Variants in SLC9C1 observed in about 807,000 individuals in gnomAD.
SLC9C1 encodes sodium/hydrogen exchanger 10.
Under a neutral mutation model 140.9 loss-of-function variants are expected in SLC9C1, and 97 were observed. The observed-to-expected ratio is 0.69, with a 90% CI of 0.58 to 0.82. The LOEUF is 0.82. SLC9C1 is among the 40% of genes least tolerant of loss of function. The probability of loss-of-function intolerance (pLI) is 0.00; values close to 1 mark genes in which losing one functional copy is unlikely to be tolerated. For synonymous variants in SLC9C1, 440 were observed against 442.6 expected (o/e 0.99, Z 0.07); for missense variants, 1,340 against 1,389.3 (o/e 0.96, Z 0.56).
In SLC9C1 at chr3:112,179,539, C is replaced by A. The variant is rs1197030547; in HGVS notation, c.2911G>T (p.Val971Leu). Residue 971 changes from valine to leucine, a missense_variant, in exon 23 of 29, where the codon GTA (valine) becomes TTA (leucine). Val to Leu is a conservative substitution (Grantham distance 32). Transcript: ENST00000305815. ...GGCGAAGTTTTTCTGACCTCCACTACAGTTTTGCAGGTGGCAGAATATTTC... is the reference window on the plus strand; with the variant it reads ...GGCGAAGTTTTTCTGACCTCCACTAAAGTTTTGCAGGTGGCAGAATATTTC... ...PMKYSATCKT[V>L]VETCFIPKTH... 6.2e-7 allele frequency: 1 copy of A among 1,602,166 alleles called. No homozygotes were observed. The highest frequency in any genetic ancestry group is 1.3e-5 in the African/African-American group (1 of 74,548).
intron 23 of SLC9C1, among the ~76,000 whole-genome samples, chr3:112,169,540 T>A (rs866833867): frequency 1.3e-5 from 2 of 152,310 alleles, no homozygotes; most frequent in Non-Finnish European, 1.5e-5. Context: ...CAGTTGGCTG[T>A]AAAATGTGGC....
At chr3:112,272,229 C>T (rs2080098022) in intron 6 of SLC9C1, among the ~76,000 whole-genome samples, 1 of 152,148 alleles carries the variant, frequency 6.6e-6, no homozygotes. Context: ...AGTTCGAAGA[C>T]CCCAGTTTGA....
At chr3:112,220,856 G>GC (rs964239461) in intron 14 of SLC9C1, among the ~76,000 whole-genome samples, 1 of 62,238 alleles carries the variant, frequency 1.6e-5, no homozygotes, top group Non-Finnish European at 3.6e-5. Context: ...TTTTGGCAGG[G>GC]GGGGACAAAG....
intron 26 of SLC9C1, among the ~76,000 whole-genome samples, chr3:112,163,499 A>G (rs958694467): frequency 2.0e-5 from 3 of 151,726 alleles, no homozygotes; most frequent in Non-Finnish European, 4.4e-5. Flanking sequence ...TTCAAAGAAC[A>G]TCTTTATTTC....
At chr3:112,277,576 C>T (rs1397952703) in intron 5 of SLC9C1, 119 bp downstream of exon 5, 2 of 846,792 alleles carry the variant, frequency 2.4e-6, no homozygotes, top group Non-Finnish European at 3.4e-6. Context: ...CCTCAACCCC[C>T]AATCCCTCAC....
At chr3:112,246,506 C>A (rs548975174) in intron 10 of SLC9C1, among the ~76,000 whole-genome samples, 1 of 152,162 alleles carries the variant, frequency 6.6e-6, no homozygotes, top group South Asian at 2.1e-4. Context: ...TATCATACTC[C>A]AGCAAAGCCA....
chr3:112,251,586 G>A (rs2079458831), intron 10 of SLC9C1, among the ~76,000 whole-genome samples: 1 of 152,104 alleles, frequency 6.6e-6, no homozygotes, highest in South Asian at 2.1e-4. Context: ...TGGTCTACAG[G>A]CATCACTCCC....
chr3:112,263,006 A>G lies in SLC9C1; in HGVS notation c.1115T>C (p.Met372Thr). ...RWIFIMVCSE[M>T]KGMPNINMAL... ...CATGTTTATATTAGGCATCCCCTTCATTTCACTACAGACCATTATGAATAT... is the reference window on the plus strand; with the variant it reads ...CATGTTTATATTAGGCATCCCCTTCGTTTCACTACAGACCATTATGAATAT... The change falls in exon 10 of 29, where the codon ATG becomes ACG. Residue 372 changes from methionine to threonine, a missense_variant. Met to Thr is a moderately conservative substitution (Grantham distance 81). Transcript: ENST00000305815. 1.2e-6 allele frequency: 2 copies of G among 1,607,406 alleles called. No homozygotes were observed. The highest frequency in any genetic ancestry group is 1.7e-6 in the Non-Finnish European group (2 of 1,176,948).
Position 112,278,734 on chromosome 3 carries a change from A to G in SLC9C1, c.313T>C (p.Trp105Arg). ...TACCAAAAAAGAATGCTTACCTGCC[A>G]AAATAACTTTTGAAGCATGTACGTA... is the stretch of plus-strand genomic sequence containing the variant. ...MDTYMLQKLF[W>R]QILLISIPGF... Residue 105 changes from tryptophan to arginine, a missense_variant, in exon 4 of 29, where the codon TGG becomes CGG. Trp to Arg is a moderately radical substitution (Grantham distance 101, BLOSUM62 -3). Transcript: ENST00000305815. The G allele has an allele frequency of 6.3e-7, 1 of 1,597,222 alleles. No homozygotes were observed. Among genetic ancestry groups the G allele is most frequent in the Non-Finnish European group, 8.5e-7 (1 of 1,175,400 alleles).
intron 11 of SLC9C1, among the ~76,000 whole-genome samples, chr3:112,243,618 C>G (rs1234807654): frequency 6.6e-6 from 1 of 152,046 alleles, no homozygotes; most frequent in Non-Finnish European, 1.5e-5. Flanking sequence ...CCCATGTAAC[C>G]AACCTGCACA....
At chr3:112,189,446 A>G (rs1263215305) in intron 20 of SLC9C1, among the ~76,000 whole-genome samples, 1 of 152,208 alleles carries the variant, frequency 6.6e-6, no homozygotes, top group Non-Finnish European at 1.5e-5. Context: ...CTTTCTACAT[A>G]TGGCCAGCCA....
chr3:112,168,823 C>T, intron 25 of SLC9C1, 54 bp downstream of exon 25: 2 of 1,430,370 alleles, frequency 1.4e-6, no homozygotes, highest in South Asian at 1.4e-5. Context: ...GACGTTAATA[C>T]ATTGTTGGAC....
chr3:112,237,094 G>C (rs1248741462), intron 12 of SLC9C1, among the ~76,000 whole-genome samples: 2 of 152,140 alleles, frequency 1.3e-5, no homozygotes, highest in Non-Finnish European at 2.9e-5. Flanking sequence ...TATTGTGTGG[G>C]AGTCTAAGTC....
At chr3:112,238,105 A>C (rs2079041423) in intron 12 of SLC9C1, among the ~76,000 whole-genome samples, 2 of 152,180 alleles carry the variant, frequency 1.3e-5, no homozygotes, top group South Asian at 4.1e-4. Flanking sequence ...AATCAGACGT[A>C]GATTTGGTCT....
intron 25 of SLC9C1, among the ~76,000 whole-genome samples, chr3:112,168,517 C>A (rs1472803214): frequency 6.6e-6 from 1 of 152,192 alleles, no homozygotes; most frequent in Non-Finnish European, 1.5e-5. Context: ...CAGAACCTTT[C>A]TAGAGCATTG....
At chr3:112,142,011 C>CT in intron 28 of SLC9C1, among the ~76,000 whole-genome samples, 1 of 152,276 alleles carries the variant, frequency 6.6e-6, no homozygotes, top group South Asian at 2.1e-4. Flanking sequence ...CACTTGGGCT[C>CT]TTTCGTCATT....
At chr3:112,147,079 T>A (rs759487436) in intron 28 of SLC9C1, among the ~76,000 whole-genome samples, 3 of 152,198 alleles carry the variant, frequency 2.0e-5, no homozygotes, top group Non-Finnish European at 4.4e-5. Flanking sequence ...TACTGTTTCC[T>A]ATTTAAAGTC....
chr3:112,149,863 G>A (rs552247463), intron 28 of SLC9C1, among the ~76,000 whole-genome samples: 3 of 152,220 alleles, frequency 2.0e-5, no homozygotes, highest in East Asian at 3.9e-4. Flanking sequence ...GCTGAACAGG[G>A]TGAATGAGTG....
intron 15 of SLC9C1, among the ~76,000 whole-genome samples, chr3:112,209,094 C>T (rs2078132031): frequency 6.6e-6 from 1 of 152,088 alleles, no homozygotes; most frequent in Non-Finnish European, 1.5e-5. Context: ...TTAAAATTCA[C>T]ATGATAATGA....
Sources: allele counts gnomAD v4.1 joint callset (sites outside exome capture counted in the v4.1 genomes callset), GRCh38; gene constraint gnomAD v4.1.1; transcripts MANE v1.5; gene names NCBI Gene and HGNC (gene_info 2026-07-23, HGNC 2026-07-21).